Variants in DNM2 observed in about 807,000 individuals in gnomAD.
The protein encoded by DNM2 is dynamin 2, also known as dynamin-2.
DNM2 carries 15 observed loss-of-function variants against 99.0 expected under a neutral mutation model. The observed-to-expected ratio is 0.15, with a 90% CI of 0.10 to 0.23. DNM2 has a LOEUF of 0.23. Ranked by LOEUF, DNM2 falls within the 10% of genes least tolerant of loss-of-function variation. The probability of loss-of-function intolerance (pLI) is 1.00; values close to 1 mark genes in which losing one functional copy is unlikely to be tolerated. For synonymous variants in DNM2, 525 were observed against 481.2 expected (o/e 1.09, Z -1.19); for missense variants, 742 against 1,189.4 (o/e 0.62, Z 5.53).
rs2146014756 is a variant in DNM2 at position 10,793,870 on chromosome 19, G to T, written c.1128+15G>T. The T allele has an allele frequency of 1.2e-6, 2 of 1,614,058 alleles. No homozygotes were observed. The highest frequency in any genetic ancestry group is 1.7e-6 in the Non-Finnish European group (2 of 1,180,002). On this transcript the variant is annotated intron_variant, in intron 8 of 20. Coordinates refer to ENST00000389253, the MANE Select transcript of DNM2 (RefSeq NM_001005361.3). ...AGCTGGTGAAGGTAGTGCCCCCCGG[G>T]GCTGGGCCCTCCCGTCTCTGGTCAG...
chr19:10,720,603 C>T (rs1019260430), intron 1 of DNM2, among the ~76,000 whole-genome samples: 2 of 152,108 alleles, frequency 1.3e-5, no homozygotes, highest in Non-Finnish European at 2.9e-5. Flanking sequence ...TAGTCCCACA[C>T]CTGTAGTCCC....
intron 1 of DNM2, among the ~76,000 whole-genome samples, chr19:10,756,036 G>A (rs1312684066): frequency 1.3e-5 from 2 of 152,104 alleles, no homozygotes; most frequent in African/African-American, 2.4e-5. Flanking sequence ...TGAGCTAGGT[G>A]GCCTGGGGCT....
At chr19:10,808,413 A>AT (rs537962496) in intron 13 of DNM2, 156 bp from the exon 14 acceptor site, 25 of 673,724 alleles carry the variant, frequency 3.7e-5, no homozygotes, top group African/African-American at 1.1e-4. Flanking sequence ...ATAGCATGTA[A>AT]TTTTTTTTCT....
At chr19:10,824,981 G>C in intron 17 of DNM2, 76 bp from the exon 18 acceptor site, 13 of 1,607,488 alleles carry the variant, frequency 8.1e-6, no homozygotes, top group Non-Finnish European at 9.3e-6. Context: ...TGGGACAATA[G>C]GGCAGATGGT....
rs1469573624 is a variant in DNM2, at chr19:10,819,972, A to G, written c.1672-8A>G. Reference sequence around the variant, plus strand: ...CGCTCAGGGTGACTCTTTTCCCTCCACCCTCAGGAGAAAGAGAAGAAGTAC... The same window carrying G: ...CGCTCAGGGTGACTCTTTTCCCTCCGCCCTCAGGAGAAAGAGAAGAAGTAC... On this transcript the variant is annotated splice_region_variant and splice_polypyrimidine_tract_variant and intron_variant, in intron 15 of 20. Transcript: ENST00000389253. The G allele has an allele frequency of 2.5e-6, 4 of 1,613,916 alleles. No homozygotes were observed. Among genetic ancestry groups the G allele is most frequent in the Non-Finnish European group, 3.4e-6 (4 of 1,179,848 alleles).
intron 1 of DNM2, among the ~76,000 whole-genome samples, chr19:10,744,239 G>T (rs551587959): frequency 6.6e-6 from 1 of 152,164 alleles, no homozygotes; most frequent in Non-Finnish European, 1.5e-5. Context: ...CAGGGAGCCT[G>T]GGGGAGGCTT....
chr19:10,731,775 C>T (rs2069329215), intron 1 of DNM2, among the ~76,000 whole-genome samples: 1 of 152,230 alleles, frequency 6.6e-6, no homozygotes, highest in African/African-American at 2.4e-5. Context: ...TGTCTTGCAA[C>T]ACTGAGTTCC....
chr19:10,817,341 A>G lies in DNM2; in HGVS notation c.1672-2639A>G. ...AATCTTCTATGCGAGGCTCTGCCACAGTGGGAAACGGGGTGGTGGAAAATG... is the reference window on the plus strand; with the variant it reads ...AATCTTCTATGCGAGGCTCTGCCACGGTGGGAAACGGGGTGGTGGAAAATG... On this transcript the variant is annotated intron_variant, in intron 15 of 20. Coordinates refer to ENST00000389253, the MANE Select transcript of DNM2 (RefSeq NM_001005361.3). This position sits in a 1 kb window ranked among gnomAD's most constrained non-coding sequence, Gnocchi z 4.6. 2.2e-6 allele frequency: 1 copy of G among 456,452 alleles called. No homozygotes were observed. Among genetic ancestry groups the G allele is most frequent in the Admixed American group, 2.4e-5 (1 of 41,538 alleles). The allele number at this position is 456,452 out of a possible 1,614,324, so 28.3% of individuals were successfully genotyped here. A position where few individuals can be genotyped will look rare whatever the true frequency, so the allele number is the denominator to read the frequency against.
intron 1 of DNM2, among the ~76,000 whole-genome samples, chr19:10,730,435 T>C (rs1222759829): frequency 4.0e-5 from 6 of 151,792 alleles, no homozygotes; most frequent in African/African-American, 1.5e-4. Flanking sequence ...GCCCACACTG[T>C]GCCATTGCAC....
chr19:10,798,373 GCCC>G, intron 10 of DNM2, 110 bp from the exon 11 acceptor site: 1 of 753,668 alleles, frequency 1.3e-6, no homozygotes, highest in Non-Finnish European at 2.3e-6. Context: ...GGCTCGGTGG[GCCC>G]CCTCATATCT....
rs2146137254 is a variant in DNM2, at chr19:10,817,056, C to T, written c.1672-2924C>T. 6.6e-6 allele frequency among the ~76,000 whole-genome samples: 1 copy of T among 152,326 alleles called. No individual in the cohort carries two copies. Among genetic ancestry groups the T allele is most frequent in the South Asian group, 2.1e-4 (1 of 4,832 alleles). On this transcript the variant is annotated intron_variant, in intron 15 of 20. Coordinates refer to ENST00000389253, the MANE Select transcript of DNM2 (RefSeq NM_001005361.3). The surrounding 1 kb of genome is among the most constrained non-coding windows in gnomAD (Gnocchi z 4.6). The stretch of plus-strand genomic sequence containing the variant: ...AGGGGGCAGCCATGGAACCTGACCC[C>T]CGCCACCACCCAAGTTAGGATCCCA...
intron 1 of DNM2, among the ~76,000 whole-genome samples, chr19:10,753,238 G>A (rs760453525): frequency 5.9e-5 from 9 of 152,206 alleles, no homozygotes; most frequent in Non-Finnish European, 1.2e-4. Context: ...ACTCAGTAAT[G>A]CGTGTGTATG....
At chr19:10,746,202 C>G (rs548312109) in intron 1 of DNM2, among the ~76,000 whole-genome samples, 12 of 152,306 alleles carry the variant, frequency 7.9e-5, no homozygotes, top group African/African-American at 2.9e-4. Flanking sequence ...CTCAGGTGAT[C>G]CACCCACCTC....
Position 10,831,133 on chromosome 19 carries a change from T to A in DNM2, c.*86T>A. The A allele has an allele frequency of 6.7e-7, 1 of 1,484,788 alleles. No homozygotes were observed. Among genetic ancestry groups the A allele is most frequent in the East Asian group, 2.6e-5 (1 of 38,578 alleles). 92.0% of individuals were successfully genotyped at this position (1,484,788 alleles called of 1,614,324 possible). A position where few individuals can be genotyped will look rare whatever the true frequency, so the allele number is the denominator to read the frequency against. Reference sequence around the variant, plus strand: ...GGTCTGGGGCCCTCCGCCGCCCCTATGCTGGGACCAGGCTCCCAGTGGGCA... The same window carrying A: ...GGTCTGGGGCCCTCCGCCGCCCCTAAGCTGGGACCAGGCTCCCAGTGGGCA... On this transcript the variant is annotated 3_prime_UTR_variant, in exon 21 of 21. Transcript: ENST00000389253. The surrounding 1 kb of genome is among the most constrained non-coding windows in gnomAD (Gnocchi z 4.3).
chr19:10,718,374 G>A lies in DNM2; in HGVS notation c.132G>A (p.Lys44=). The change falls in exon 1 of 21, where the codon AAG becomes AAA. Residue 44 remains lysine (K), a synonymous_variant. Coordinates refer to ENST00000389253, the MANE Select transcript of DNM2 (RefSeq NM_001005361.3). The part of the protein sequence containing the change: ...IAVVGGQSAG[K]SSVLENFVGR... ...TAGTGGGCGGCCAGAGCGCCGGCAAGAGCTCGGTGCTGGAGAACTTCGTGG... is the reference window on the plus strand; with the variant it reads ...TAGTGGGCGGCCAGAGCGCCGGCAAAAGCTCGGTGCTGGAGAACTTCGTGG... 3 of 1,522,264 alleles carry A rather than the reference G, an allele frequency of 2.0e-6. No homozygotes were observed. Among genetic ancestry groups the A allele is most frequent in the Non-Finnish European group, 2.6e-6 (3 of 1,136,752 alleles). The allele number at this position is 1,522,264 out of a possible 1,614,324, so 94.3% of individuals were successfully genotyped here. A position where few individuals can be genotyped will look rare whatever the true frequency, so the allele number is the denominator to read the frequency against.
chr19:10,810,867 C>T (rs1187245386), intron 14 of DNM2: 1 of 152,860 alleles, frequency 6.5e-6, no homozygotes, highest in East Asian at 1.9e-4. Context: ...GGAGGCATTC[C>T]CAGACTGCCA....
At chr19:10,806,101 C>A in intron 13 of DNM2, 134 bp downstream of exon 13, 1 of 1,072,484 alleles carries the variant, frequency 9.3e-7, no homozygotes, top group Non-Finnish European at 1.4e-6. Context: ...CATCTGCTCT[C>A]TCTAGAGGCC....
Position 10,816,903 on chromosome 19 carries a change from C to T in DNM2, c.1672-3077C>T, listed in dbSNP as rs1204360817. The stretch of plus-strand genomic sequence containing the variant: ...TGAAAGCCAGAGCCCCCGACCCTCC[C>T]GTGGAGCCCCACACTGGAGTCTGGA... On this transcript the variant is annotated intron_variant, in intron 15 of 20. Coordinates refer to ENST00000389253, the MANE Select transcript of DNM2 (RefSeq NM_001005361.3). The surrounding 1 kb of genome is among the most constrained non-coding windows in gnomAD (Gnocchi z 4.6). 6.6e-6 allele frequency among the ~76,000 whole-genome samples: 1 copy of T among 152,194 alleles called. No homozygotes were observed. Among genetic ancestry groups the T allele is most frequent in the East Asian group, 1.9e-4 (1 of 5,184 alleles).
chr19:10,828,314 G>A lies in DNM2; in HGVS notation c.2059-722G>A, dbSNP rs566977726. Among the ~76,000 whole-genome samples the A allele has an allele frequency of 9.3e-5, 14 of 151,156 alleles. No individual in the cohort carries two copies. In the South Asian group the frequency reaches 2.7e-3, roughly 29 times the overall value. On this transcript the variant is annotated intron_variant, in intron 18 of 20. Transcript: ENST00000389253. ...AAAGATATAACAGGATTGGCTGGGCGCGGTGGCTCACGCCTGTAATCCCAG... is the reference window on the plus strand; with the variant it reads ...AAAGATATAACAGGATTGGCTGGGCACGGTGGCTCACGCCTGTAATCCCAG...
Sources: allele counts gnomAD v4.1 joint callset (sites outside exome capture counted in the v4.1 genomes callset), GRCh38; gene constraint gnomAD v4.1.1; non-coding constraint Gnocchi (gnomAD v3.1); transcripts MANE v1.5; gene names NCBI Gene and HGNC (gene_info 2026-07-23, HGNC 2026-07-21).